The following IP6K1 variants were observed in gnomAD, a reference collection of about 807,000 sequenced individuals.
IP6K1 encodes ATP:1D-myo-inositol-hexakisphosphate phosphotransferase.
A neutral mutation model predicts 38.3 loss-of-function variants in IP6K1; 13 were observed. The ratio of observed to expected loss-of-function variants is 0.34; its 90% CI spans 0.22 to 0.54. The LOEUF is 0.54. Among genes scored for constraint, IP6K1 ranks in the 20% least tolerant of loss-of-function variants. The pLI is 0.92. For synonymous variants in IP6K1, 212 were observed against 229.9 expected (o/e 0.92, Z 0.70); for missense variants, 397 against 599.8 (o/e 0.66, Z 3.53).
chr3:49,746,855 T>C (rs2080725279), intron 2 of IP6K1, among the ~76,000 whole-genome samples: 1 of 152,096 alleles, frequency 6.6e-6, no homozygotes, highest in African/African-American at 2.4e-5. Context: ...TAGGCAAATC[T>C]GTAGAGACAG....
intron 1 of IP6K1, among the ~76,000 whole-genome samples, chr3:49,771,847 A>G (rs2080962431): frequency 6.6e-6 from 1 of 152,234 alleles, no homozygotes; most frequent in Non-Finnish European, 1.5e-5. Flanking sequence ...AATACTATAT[A>G]GCAATAAAAA....
rs772790214 is a variant in IP6K1 at position 49,760,983 on chromosome 3, G to A, written c.-128-12815C>T. 1.8e-4 allele frequency among the ~76,000 whole-genome samples: 28 copies of A among 152,170 alleles called. 1 individual carries two copies. The highest frequency in any genetic ancestry group is 5.9e-5 in the Non-Finnish European group (4 of 68,036). ...TATATGCTATACTGATTCAGCTAAA[G>A]CAATGCTAACGTTTTAAAGTCTAAA... On this transcript the variant is annotated intron_variant, in intron 1 of 5. Transcript: ENST00000321599.
chr3:49,764,343 C>T (rs1049788060), intron 1 of IP6K1, among the ~76,000 whole-genome samples: 1 of 150,994 alleles, frequency 6.6e-6, no homozygotes, highest in Non-Finnish European at 1.5e-5. Context: ...GATTGTACCA[C>T]TGCACTGCAG....
At chr3:49,775,409 T>A in intron 1 of IP6K1, 1 of 399,640 alleles carries the variant, frequency 2.5e-6, no homozygotes, top group Non-Finnish European at 4.8e-6. Flanking sequence ...TGCACTCTGG[T>A]GTGCTATGTG....
At chr3:49,771,715 T>C (rs1172706367) in intron 1 of IP6K1, among the ~76,000 whole-genome samples, 1 of 152,202 alleles carries the variant, frequency 6.6e-6, no homozygotes, top group Admixed American at 6.5e-5. Flanking sequence ...GAAATGAATG[T>C]GTATGTCCAC....
In IP6K1 at chr3:49,727,208, C is replaced by T. The variant is rs148175328; in HGVS notation, c.1240G>A (p.Val414Met). Reference protein sequence around the residue: ...TFKGFRDDPTVHDGPDRGYVF... With the variant: ...TFKGFRDDPTMHDGPDRGYVF... ...TAGCCTCTGTCTGGCCCATCATGCA[C>T]GGTGGGGTCATCCCGGAAGCCCTTG... is the stretch of plus-strand genomic sequence containing the variant. The change falls in exon 6 of 6, where the codon GTG becomes ATG. Residue 414 changes from valine to methionine, a missense_variant. Physicochemically the swap from Val to Met is conservative, Grantham distance 21. Transcript: ENST00000321599. This position sits in a 1 kb window ranked among gnomAD's most constrained non-coding sequence, Gnocchi z 5.9. The T allele has an allele frequency of 1.5e-5, 25 of 1,614,144 alleles. No homozygotes were observed. Among genetic ancestry groups the T allele is most frequent in the South Asian group, 2.2e-5 (2 of 91,076 alleles).
rs891748146 is a variant in IP6K1, at chr3:49,734,715, C to G, written c.435-1743G>C. On this transcript the variant is annotated intron_variant, in intron 3 of 5. Coordinates refer to ENST00000321599, the MANE Select transcript of IP6K1 (RefSeq NM_153273.4). Reference sequence around the variant, plus strand: ...GCACTGCTGAGGCCATTCAAAGATGCCTTTTTTTGTGAAACCCTTTAGGAA... The same window carrying G: ...GCACTGCTGAGGCCATTCAAAGATGGCTTTTTTTGTGAAACCCTTTAGGAA... Among the ~76,000 whole-genome samples the G allele has an allele frequency of 5.3e-5, 8 of 152,260 alleles. 1 individual carries two copies. The highest frequency in any genetic ancestry group is 4.6e-4 in the Admixed American group (7 of 15,282).
intron 3 of IP6K1, among the ~76,000 whole-genome samples, chr3:49,733,967 A>T (rs1174771239): frequency 6.6e-6 from 1 of 152,140 alleles, no homozygotes; most frequent in Non-Finnish European, 1.5e-5. Context: ...CCATCTGTAC[A>T]AAAAATTTAA....
At chr3:49,750,946 A>G (rs2080771564) in intron 1 of IP6K1, among the ~76,000 whole-genome samples, 1 of 152,146 alleles carries the variant, frequency 6.6e-6, no homozygotes, top group African/African-American at 2.4e-5. Flanking sequence ...TAACCCTGAA[A>G]TCTGAAATAG....
At chr3:49,730,636 TCCC>T in intron 4 of IP6K1, among the ~76,000 whole-genome samples, 1 of 152,258 alleles carries the variant, frequency 6.6e-6, no homozygotes, top group Middle Eastern at 3.4e-3. Context: ...AACCTCTGCC[TCCC>T]AGGTTCAAGT....
Position 49,748,186 on chromosome 3 carries a change from G to A in IP6K1, c.-128-18C>T. On this transcript the variant is annotated intron_variant, in intron 1 of 5. Transcript: ENST00000321599. ...ATTCTGTCCTACAGAAAAGAAGAGAGGAAGAAGGAATCAAAACACTGGGTG... is the reference window on the plus strand; with the variant it reads ...ATTCTGTCCTACAGAAAAGAAGAGAAGAAGAAGGAATCAAAACACTGGGTG... 2 of 808,604 alleles carry A rather than the reference G, an allele frequency of 2.5e-6. No homozygotes were observed. The highest frequency in any genetic ancestry group is 3.9e-6 in the Non-Finnish European group (2 of 511,062). 50.1% of individuals were successfully genotyped at this position (808,604 alleles called of 1,614,324 possible). A position where few individuals can be genotyped will look rare whatever the true frequency, so the allele number is the denominator to read the frequency against.
chr3:49,751,898 G>T lies in IP6K1; in HGVS notation c.-128-3730C>A, dbSNP rs556628000. Among the ~76,000 whole-genome samples the T allele has an allele frequency of 2.6e-5, 4 of 152,280 alleles. No homozygotes were observed. In the East Asian group the frequency reaches 7.7e-4, roughly 29 times the overall value. On this transcript the variant is annotated intron_variant, in intron 1 of 5. Coordinates refer to ENST00000321599, the MANE Select transcript of IP6K1 (RefSeq NM_153273.4). ...AAATATTAGTTACAATAGTTAGGTT[G>T]ACTTTCTGGTTATAATAACAAACTC...
Position 49,775,453 on chromosome 3 carries a change from G to A in IP6K1, c.-129+10901C>T, listed in dbSNP as rs935181328. ...AACTACGTATCTTAGCAGGGGTGCC[G>A]TGTGATCTGTGGAGGCCCTGGGGTC... On this transcript the variant is annotated intron_variant, in intron 1 of 5. Transcript: ENST00000321599. The A allele has an allele frequency of 2.6e-4, 128 of 495,512 alleles. 1 individual carries two copies. The highest frequency in any genetic ancestry group is 1.0e-3 in the East Asian group (24 of 23,562). 30.7% of individuals were successfully genotyped at this position (495,512 alleles called of 1,614,324 possible).
chr3:49,757,327 C>T (rs1319934479), intron 1 of IP6K1, among the ~76,000 whole-genome samples: 2 of 152,166 alleles, frequency 1.3e-5, no homozygotes, highest in African/African-American at 4.8e-5. Context: ...GACAAGTTGA[C>T]AGGACTAAGG....
intron 2 of IP6K1, among the ~76,000 whole-genome samples, chr3:49,745,799 A>T (rs1575312032): frequency 6.6e-6 from 1 of 150,410 alleles, no homozygotes; most frequent in Non-Finnish European, 1.5e-5. Flanking sequence ...GATTGCAGTG[A>T]GCCGAGATCG....
At chr3:49,755,994 T>C (rs1475748735) in intron 1 of IP6K1, among the ~76,000 whole-genome samples, 2 of 152,202 alleles carry the variant, frequency 1.3e-5, no homozygotes, top group South Asian at 4.1e-4. Flanking sequence ...TAAGTAGGGC[T>C]GTCAACCCTA....
At chr3:49,754,926 C>T (rs1246186389) in intron 1 of IP6K1, among the ~76,000 whole-genome samples, 2 of 144,496 alleles carry the variant, frequency 1.4e-5, no homozygotes, top group African/African-American at 2.5e-5. Context: ...GATATGCAAT[C>T]TTTTTTTTTT....
At chr3:49,781,088 T>C (rs1238480800) in intron 1 of IP6K1, among the ~76,000 whole-genome samples, 1 of 145,162 alleles carries the variant, frequency 6.9e-6, no homozygotes, top group Non-Finnish European at 1.5e-5. Flanking sequence ...TGAGACAGAG[T>C]TTCACTCTTG....
At chr3:49,783,371 C>T (rs902118341) in intron 1 of IP6K1, among the ~76,000 whole-genome samples, 2 of 151,556 alleles carry the variant, frequency 1.3e-5, no homozygotes, top group Non-Finnish European at 2.9e-5. Context: ...ATGGTGAAAC[C>T]CTGTCTCAGA....
Sources: gnomAD v4.1 joint callset for allele counts (sites outside exome capture counted in the v4.1 genomes callset) on GRCh38, gnomAD v4.1.1 for gene constraint, Gnocchi (gnomAD v3.1) non-coding constraint, MANE v1.5 for transcripts, NCBI Gene and HGNC (gene_info 2026-07-23, HGNC 2026-07-21) for gene names.